The following FAM193A variants were observed in gnomAD, a reference collection of about 807,000 sequenced individuals.
FAM193A encodes family with sequence similarity 193 member A.
Under a neutral mutation model 126.5 loss-of-function variants are expected in FAM193A, and 22 were observed. That is an observed-to-expected ratio of 0.17 (90% CI 0.12 to 0.25). The LOEUF is 0.25. FAM193A is among the 10% of genes least tolerant of loss of function. The pLI is 1.00. For missense variants in FAM193A, 1,675 were observed against 1,672.8 expected (o/e 1.00, Z -0.02); for synonymous variants, 761 against 646.8 (o/e 1.18, Z -2.68).
chr4:2,682,566 T>G (rs1179867093), intron 13 of FAM193A, among the ~76,000 whole-genome samples: 1 of 152,264 alleles, frequency 6.6e-6, no homozygotes, highest in Non-Finnish European at 1.5e-5. Context: ...CAGCCATGTT[T>G]GTAATTGTTT....
At chr4:2,597,441 C>A (rs1740928319) in intron 2 of FAM193A, among the ~76,000 whole-genome samples, 1 of 152,140 alleles carries the variant, frequency 6.6e-6, no homozygotes, top group African/African-American at 2.4e-5. Context: ...CGACTCCAGC[C>A]CTGCTCTTGT....
At chr4:2,620,195 T>A (rs961339619) in intron 2 of FAM193A, among the ~76,000 whole-genome samples, 1 of 152,172 alleles carries the variant, frequency 6.6e-6, no homozygotes, top group East Asian at 1.9e-4. Flanking sequence ...ATGGGACACA[T>A]TTAAGGATTT....
chr4:2,663,931 C>T (rs994894891), intron 12 of FAM193A, among the ~76,000 whole-genome samples: 2 of 152,170 alleles, frequency 1.3e-5, no homozygotes, highest in Admixed American at 6.5e-5. Flanking sequence ...TGCGCCACTG[C>T]ACTTCAGCCT....
At chr4:2,630,406 G>A (rs1334933005) in intron 4 of FAM193A, among the ~76,000 whole-genome samples, 3 of 152,058 alleles carry the variant, frequency 2.0e-5, no homozygotes, top group African/African-American at 7.2e-5. Flanking sequence ...ATTGTACACT[G>A]AACTTCTAGA....
chr4:2,550,467 G>T (rs969447820), intron 1 of FAM193A, among the ~76,000 whole-genome samples: 2 of 151,856 alleles, frequency 1.3e-5, no homozygotes, highest in African/African-American at 4.8e-5. Context: ...GCAGAGTTTC[G>T]CTCTTGGTGC....
At chr4:2,663,674 A>G (rs1332842956) in intron 12 of FAM193A, among the ~76,000 whole-genome samples, 2 of 152,216 alleles carry the variant, frequency 1.3e-5, no homozygotes, top group Admixed American at 1.3e-4. Context: ...TAGATGCTTA[A>G]ACAAGTTTTT....
At chr4:2,552,842 ACTTT>A (rs1395099709) in intron 1 of FAM193A, among the ~76,000 whole-genome samples, 8 of 135,076 alleles carry the variant, frequency 5.9e-5, no homozygotes, top group South Asian at 2.3e-4. Flanking sequence ...CGGCCACAGA[ACTTT>A]CTTTTTTTTT....
chr4:2,607,499 T>C (rs1330403669), intron 2 of FAM193A, among the ~76,000 whole-genome samples: 1 of 152,210 alleles, frequency 6.6e-6, no homozygotes, highest in African/African-American at 2.4e-5. Flanking sequence ...TGCTAGCCAT[T>C]AGTAGTTAAC....
At chr4:2,560,228 C>T (rs983106474) in intron 1 of FAM193A, among the ~76,000 whole-genome samples, 1 of 152,168 alleles carries the variant, frequency 6.6e-6, no homozygotes, top group Admixed American at 6.6e-5. Context: ...CAGGTGTGAG[C>T]CACCGCGCCT....
At chr4:2,715,382 G>C (rs1719429796) in intron 19 of FAM193A, 1 of 376,340 alleles carries the variant, frequency 2.7e-6, no homozygotes, top group Non-Finnish European at 3.7e-6. Context: ...AGGATTACTT[G>C]AGCCTGGAAG....
chr4:2,608,232 G>A (rs1741658080), intron 2 of FAM193A: 2 of 967,264 alleles, frequency 2.1e-6, no homozygotes, highest in East Asian at 2.7e-5. Flanking sequence ...AGTATGGAGT[G>A]CAGTGGTGCA....
chr4:2,624,418 A>G (rs1009040076), intron 2 of FAM193A, among the ~76,000 whole-genome samples: 1 of 152,248 alleles, frequency 6.6e-6, no homozygotes, highest in Non-Finnish European at 1.5e-5. Context: ...TGCTGGGATT[A>G]TAGGCGTGAG....
At chr4:2,649,355 A>G (rs1181592234) in intron 7 of FAM193A, among the ~76,000 whole-genome samples, 1 of 144,724 alleles carries the variant, frequency 6.9e-6, no homozygotes, top group Non-Finnish European at 1.5e-5. Context: ...AGCCTGGGTG[A>G]CAGAGTGAGA....
chr4:2,723,866 A>G (rs13121807), intron 20 of FAM193A, among the ~76,000 whole-genome samples: 1 of 152,094 alleles, frequency 6.6e-6, no homozygotes, highest in Non-Finnish European at 1.5e-5. Context: ...CAGTGGTGCA[A>G]TCACGGCTCA....
intron 1 of FAM193A, among the ~76,000 whole-genome samples, chr4:2,588,062 A>G (rs1314665997): frequency 6.6e-6 from 1 of 152,166 alleles, no homozygotes; most frequent in Non-Finnish European, 1.5e-5. Flanking sequence ...GCTTTTCCAA[A>G]AGATTGCTGG....
chr4:2,643,330 C>T (rs1744824061), intron 6 of FAM193A, among the ~76,000 whole-genome samples: 1 of 150,284 alleles, frequency 6.7e-6, no homozygotes, highest in African/African-American at 2.5e-5. Flanking sequence ...CTTCTGCATC[C>T]TATGAAATAC....
At chr4:2,563,228 C>A (rs983328720) in intron 1 of FAM193A, among the ~76,000 whole-genome samples, 2 of 152,202 alleles carry the variant, frequency 1.3e-5, no homozygotes, top group African/African-American at 4.8e-5. Context: ...CAGGCGTGAG[C>A]CACTGCGCCT....
At chr4:2,630,131 C>CAA (rs34488841) in intron 4 of FAM193A, among the ~76,000 whole-genome samples, 19 of 108,036 alleles carry the variant, frequency 1.8e-4, no homozygotes, top group Non-Finnish European at 2.6e-4. Context: ...GACTCCATCT[C>CAA]AAAAAAAAAA....
intron 1 of FAM193A, among the ~76,000 whole-genome samples, chr4:2,585,533 C>A (rs1274699906): frequency 6.6e-6 from 1 of 152,156 alleles, no homozygotes; most frequent in African/African-American, 2.4e-5. Context: ...GTCTTTTGCC[C>A]AATTTTTTCA....
Sources: gnomAD v4.1 joint callset for allele counts (sites outside exome capture counted in the v4.1 genomes callset) on GRCh38, gnomAD v4.1.1 for gene constraint, MANE v1.5 for transcripts, NCBI Gene and HGNC (gene_info 2026-07-23, HGNC 2026-07-21) for gene names.